The following SH3RF2 variants were observed in gnomAD, a reference collection of about 807,000 sequenced individuals.
SH3RF2 encodes the protein E3 ubiquitin-protein ligase SH3RF2.
In SH3RF2, 43 loss-of-function variants were observed where a neutral mutation model predicts 59.0. The ratio of observed to expected loss-of-function variants is 0.73; its 90% confidence interval spans 0.57 to 0.94. The LOEUF is 0.94. Ranked by LOEUF, SH3RF2 falls within the 40% of genes least tolerant of loss-of-function variation. The pLI, the probability that SH3RF2 is intolerant of heterozygous loss-of-function variation, is 0.00. For missense variants in SH3RF2, 930 were observed against 940.1 expected (o/e 0.99, Z 0.14); for synonymous variants, 391 against 391.5 (o/e 1.00, Z 0.01).
chr5:146,004,766 TATGATTC>T, intron 4 of SH3RF2, among the ~76,000 whole-genome samples: 1 of 152,238 alleles, frequency 6.6e-6, no homozygotes, highest in East Asian at 1.9e-4. Flanking sequence ...TGGAAAGATT[TATGATTC>T]ATTGTTAAGT....
intron 2 of SH3RF2, among the ~76,000 whole-genome samples, chr5:145,940,166 C>T (rs1239918700): frequency 2.0e-5 from 3 of 152,188 alleles, no homozygotes; most frequent in African/African-American, 7.2e-5. Context: ...ACCCTCCAAG[C>T]TGCTCTGGAC....
downstream of SH3RF2, among the ~76,000 whole-genome samples, chr5:146,064,810 AAG>A (rs1491469348): frequency 3.3e-4 from 3 of 9,224 alleles, no homozygotes; most frequent in Non-Finnish European, 2.1e-3. Context: ...GAAGGAAGGA[AAG>A]AAAGAAAGAA....
In SH3RF2 at chr5:145,968,038, A is replaced by C. The variant is rs549227573; in HGVS notation, c.378+29732A>C. Among the ~76,000 whole-genome samples the C allele has an allele frequency of 2.0e-3, 306 of 152,232 alleles. 3 individuals carry two copies. Among genetic ancestry groups the C allele is most frequent in the Admixed American group, 4.9e-3 (75 of 15,290 alleles). On this transcript the variant is annotated intron_variant, in intron 2 of 9. Transcript: ENST00000359120. ...CCATGAATTCCTGACACTGTAAAAAACTGTATGGATATTTGCCTATGTATA... is the reference window on the plus strand; with the variant it reads ...CCATGAATTCCTGACACTGTAAAAACCTGTATGGATATTTGCCTATGTATA...
At chr5:146,047,630 G>A in intron 5 of SH3RF2, 142 bp from the exon 6 acceptor site, 2 of 724,964 alleles carry the variant, frequency 2.8e-6, no homozygotes, top group Non-Finnish European at 4.6e-6. Flanking sequence ...ACAAACCACA[G>A]AGAGGACGCA....
At chr5:145,945,485 C>T (rs930371968) in intron 2 of SH3RF2, among the ~76,000 whole-genome samples, 37 of 152,130 alleles carry the variant, frequency 2.4e-4, no homozygotes, top group African/African-American at 8.9e-4. Flanking sequence ...GGTGGCAAGG[C>T]AATTCAGTTT....
At chr5:146,050,372 CA>C in intron 7 of SH3RF2, among the ~76,000 whole-genome samples, 1 of 152,232 alleles carries the variant, frequency 6.6e-6, no homozygotes, top group Non-Finnish European at 1.5e-5. Flanking sequence ...TTTTTCCAAC[CA>C]GGCTAGCTGG....
intron 5 of SH3RF2, among the ~76,000 whole-genome samples, chr5:146,032,579 C>T (rs549858715): frequency 2.0e-5 from 3 of 152,204 alleles, no homozygotes; most frequent in East Asian, 1.9e-4. Flanking sequence ...GGCCAGTGAC[C>T]GAGGGGTGAG....
intron 2 of SH3RF2, among the ~76,000 whole-genome samples, chr5:145,982,623 T>C (rs1424004361): frequency 1.3e-5 from 2 of 152,204 alleles, no homozygotes; most frequent in Non-Finnish European, 2.9e-5. Flanking sequence ...ACAATACTTA[T>C]TGGGCCAGAC....
At chr5:145,941,263 C>T (rs1757803209) in intron 2 of SH3RF2, among the ~76,000 whole-genome samples, 1 of 152,228 alleles carries the variant, frequency 6.6e-6, no homozygotes, top group South Asian at 2.1e-4. Flanking sequence ...AGGCCTGATG[C>T]TTCCTGTGCC....
chr5:145,996,431 G>GA (rs1344280826), intron 2 of SH3RF2, among the ~76,000 whole-genome samples: 2 of 151,992 alleles, frequency 1.3e-5, no homozygotes, highest in Non-Finnish European at 2.9e-5. Flanking sequence ...ATTTCTATGT[G>GA]AAAAAAACAA....
intron 5 of SH3RF2, among the ~76,000 whole-genome samples, chr5:146,032,261 A>T (rs79215506): frequency 0.013 from 1,905 of 152,216 alleles, 19 homozygotes; most frequent in Middle Eastern, 0.044. Context: ...AGTCAAGCAA[A>T]CCAACCTCTT....
downstream of SH3RF2, among the ~76,000 whole-genome samples, chr5:146,067,839 C>G (rs1763141856): frequency 6.6e-6 from 1 of 152,212 alleles, no homozygotes; most frequent in Non-Finnish European, 1.5e-5. Context: ...CATCCAGCAC[C>G]TAAAAGCTCA....
chr5:146,043,932 T>C (rs1762209721), intron 5 of SH3RF2: 1 of 152,232 alleles, frequency 6.6e-6, no homozygotes, highest in Non-Finnish European at 1.5e-5. Flanking sequence ...TACAGGTCCT[T>C]CTATGGACAT....
intron 8 of SH3RF2, 90 bp from the exon 9 acceptor site, chr5:146,059,760 AAGCGCTTGTCTATTCT>A (rs1762817010): frequency 1.3e-6 from 1 of 765,952 alleles, no homozygotes; most frequent in South Asian, 3.2e-5. Flanking sequence ...CAGATTAGGA[AAGCGCTTGTCTATTCT>A]GGGATATCAG....
At chr5:146,064,768 AAGGAAGGAAAGG>A (rs1763037904), downstream of SH3RF2, among the ~76,000 whole-genome samples, 1 of 42,548 alleles carries the variant, frequency 2.4e-5, no homozygotes, top group East Asian at 6.1e-4. Context: ...GGAAGGAAGG[AAGGAAGGAAAGG>A]AAGGAAGGAA....
intron 5 of SH3RF2, among the ~76,000 whole-genome samples, chr5:146,016,546 T>C (rs1468066570): frequency 6.6e-6 from 1 of 152,044 alleles, no homozygotes; most frequent in African/African-American, 2.4e-5. Flanking sequence ...GTAGGGGAGG[T>C]ATTATCAACA....
intron 8 of SH3RF2, among the ~76,000 whole-genome samples, chr5:146,059,407 C>A (rs1478530193): frequency 6.6e-6 from 1 of 151,922 alleles, no homozygotes; most frequent in Non-Finnish European, 1.5e-5. Context: ...TCTCTTTCTC[C>A]TTTTCCTCTC....
chr5:145,976,717 G>C (rs1358056480), intron 2 of SH3RF2, among the ~76,000 whole-genome samples: 1 of 152,184 alleles, frequency 6.6e-6, no homozygotes, highest in Non-Finnish European at 1.5e-5. Flanking sequence ...CACATAGTTA[G>C]CCCAGGCAAG....
At chr5:146,029,193 G>A (rs1462523942) in intron 5 of SH3RF2, among the ~76,000 whole-genome samples, 1 of 152,166 alleles carries the variant, frequency 6.6e-6, no homozygotes, top group African/African-American at 2.4e-5. Flanking sequence ...TTCCATTTTA[G>A]ATGGAGGAAC....
Sources: gnomAD v4.1 joint callset for allele counts (sites outside exome capture counted in the v4.1 genomes callset) on GRCh38, gnomAD v4.1.1 for gene constraint, MANE v1.5 for transcripts, NCBI Gene and HGNC (gene_info 2026-07-23, HGNC 2026-07-21) for gene names.